SEMA4D: variants seen among roughly 807,000 people sequenced by gnomAD.
The protein encoded by SEMA4D is semaphorin-4D.
SEMA4D carries 22 observed loss-of-function variants against 74.8 expected under a neutral mutation model. That is an observed-to-expected ratio of 0.29 (90% CI 0.21 to 0.42). SEMA4D has a LOEUF of 0.42. SEMA4D is among the 10% of genes least tolerant of loss of function. SEMA4D has a pLI of 1.00. For synonymous variants in SEMA4D, 445 were observed against 463.7 expected, an observed-to-expected ratio of 0.96 and a Z score of 0.52; for missense variants, 937 against 1,118.4, an observed-to-expected ratio of 0.84 and a Z score of 2.31.
chr9:89,420,548 C>T (rs1846703154), intron 2 of SEMA4D, among the ~76,000 whole-genome samples: 2 of 152,234 alleles, frequency 1.3e-5, no homozygotes, highest in Non-Finnish European at 2.9e-5. Flanking sequence ...CCAGGCCTTG[C>T]GAACAGGTAT....
intron 2 of SEMA4D, among the ~76,000 whole-genome samples, chr9:89,454,778 C>T (rs549464411): frequency 5.9e-5 from 9 of 152,326 alleles, no homozygotes; most frequent in Admixed American, 3.9e-4. Flanking sequence ...CCCATGCCAG[C>T]CCAGGCCACC....
intron 1 of SEMA4D, among the ~76,000 whole-genome samples, chr9:89,491,548 G>A (rs561473705): frequency 4.0e-4 from 61 of 151,802 alleles, no homozygotes; most frequent in African/African-American, 1.2e-3. Flanking sequence ...CCAGCCTGGC[G>A]ACAGAGCAAG....
At chr9:89,406,011 C>A in intron 2 of SEMA4D, 1 of 951,338 alleles carries the variant, frequency 1.1e-6, no homozygotes, top group Non-Finnish European at 1.3e-6. Flanking sequence ...TGCCCAGCTT[C>A]CTTCCTGTGT....
At chr9:89,363,323 C>T (rs887132992) in intron 18 of SEMA4D, 26 of 1,495,892 alleles carry the variant, frequency 1.7e-5, no homozygotes, top group Non-Finnish European at 2.2e-5. Flanking sequence ...TAAGAGGGAA[C>T]AAGTGGGGTC....
chr9:89,475,610 A>T (rs1861552587), intron 1 of SEMA4D, among the ~76,000 whole-genome samples: 1 of 152,180 alleles, frequency 6.6e-6, no homozygotes, highest in African/African-American at 2.4e-5. Context: ...ACCCCTCTGC[A>T]TTCCCCTACT....
intron 1 of SEMA4D, among the ~76,000 whole-genome samples, chr9:89,485,538 T>G (rs921703437): frequency 6.6e-6 from 1 of 152,012 alleles, no homozygotes; most frequent in Non-Finnish European, 1.5e-5. Flanking sequence ...CCTGTAATCC[T>G]AGCACTTTGG....
intron 13 of SEMA4D, chr9:89,385,192 T>C: frequency 1.1e-6 from 1 of 928,364 alleles, no homozygotes; most frequent in Non-Finnish European, 1.3e-6. Flanking sequence ...CTTCTGCCTT[T>C]GAGGATCAGT....
At chr9:89,469,432 C>T (rs1859622363) in intron 1 of SEMA4D, among the ~76,000 whole-genome samples, 1 of 152,164 alleles carries the variant, frequency 6.6e-6, no homozygotes, top group Non-Finnish European at 1.5e-5. Flanking sequence ...TTAAATGAGG[C>T]TAGCACTACC....
chr9:89,455,364 C>T (rs1855681626), intron 2 of SEMA4D, among the ~76,000 whole-genome samples: 2 of 152,248 alleles, frequency 1.3e-5, no homozygotes, highest in Non-Finnish European at 2.9e-5. Flanking sequence ...TTTGCCAGAC[C>T]TCCCTGAACA....
chr9:89,470,708 G>A (rs887058491), intron 1 of SEMA4D, among the ~76,000 whole-genome samples: 19 of 151,774 alleles, frequency 1.3e-4, no homozygotes, highest in African/African-American at 3.9e-4. Flanking sequence ...TGGACTTACC[G>A]AGGGACAAAA....
At chr9:89,497,401 A>C (rs948408493) in intron 1 of SEMA4D, 2 of 152,288 alleles carry the variant, frequency 1.3e-5, no homozygotes, top group African/African-American at 4.8e-5. Context: ...CGCCGGGTCC[A>C]GTGCACAGGG....
intron 2 of SEMA4D, among the ~76,000 whole-genome samples, chr9:89,409,084 G>A (rs2133868292): frequency 6.6e-6 from 1 of 152,264 alleles, no homozygotes; most frequent in South Asian, 2.1e-4. Flanking sequence ...ACAGGGGAAC[G>A]TTACTCAGCA....
intron 2 of SEMA4D, among the ~76,000 whole-genome samples, chr9:89,455,330 C>T (rs2135526518): frequency 6.6e-6 from 1 of 152,340 alleles, no homozygotes; most frequent in African/African-American, 2.4e-5. Context: ...CCCGGTCCAC[C>T]TCACCCCAGC....
chr9:89,376,967 G>A (rs767142267), downstream of SEMA4D: 1 of 1,550,576 alleles, frequency 6.4e-7, no homozygotes, highest in South Asian at 1.2e-5. Context: ...GGGGGTCCAG[G>A]GAGAGGAAAG....
intron 3 of SEMA4D, 23 bp downstream of exon 3, chr9:89,405,328 C>T (rs1485240364): frequency 7.5e-6 from 12 of 1,602,824 alleles, no homozygotes; most frequent in African/African-American, 4.0e-5. Context: ...GCCATCAGCA[C>T]CCCTGCAGGT....
intron 9 of SEMA4D, among the ~76,000 whole-genome samples, chr9:89,389,366 G>A (rs558375552): frequency 6.6e-6 from 1 of 152,316 alleles, no homozygotes; most frequent in South Asian, 2.1e-4. Context: ...AGGTGCTGCC[G>A]TGCTCACACA....
At position 89,362,080 on chromosome 9, in the gene SEMA4D, C is replaced by T. The variant is rs111907314; in HGVS notation, c.*322G>A. 2.7e-3 allele frequency: 1,416 copies of T among 527,578 alleles called. 17 individuals are homozygous for T. Among genetic ancestry groups the T allele is most frequent in the African/African-American group, 0.024 (1,289 of 52,682 alleles). The allele number at this position is 527,578 out of a possible 1,614,324, so 32.7% of individuals were successfully genotyped here. On this transcript the variant is annotated 3_prime_UTR_variant, in exon 19 of 19. Coordinates refer to the SEMA4D transcript ENST00000339861. Reference sequence around the variant, plus strand: ...ACCGTAGAGGAGGAACCTGCACACACCCTGCTGTTTTAGTTCACGAGCAGC... The same window carrying T: ...ACCGTAGAGGAGGAACCTGCACACATCCTGCTGTTTTAGTTCACGAGCAGC...
At chr9:89,374,688 CCTGCTGACCCCAGGGGCTTGT>C (rs1318002748), downstream of SEMA4D, among the ~76,000 whole-genome samples, 1 of 152,190 alleles carries the variant, frequency 6.6e-6, no homozygotes, top group Non-Finnish European at 1.5e-5. Flanking sequence ...TCTTTCATTC[CCTGCTGACCCCAGGGGCTTGT>C]GTGTATGCCT....
At chr9:89,426,291 C>G (rs996350342) in intron 2 of SEMA4D, among the ~76,000 whole-genome samples, 1 of 152,236 alleles carries the variant, frequency 6.6e-6, no homozygotes, top group Admixed American at 6.5e-5. Flanking sequence ...TTTTAAGTCT[C>G]AAAACCACAA....
Sources: allele counts gnomAD v4.1 joint callset (sites outside exome capture counted in the v4.1 genomes callset), GRCh38; gene constraint gnomAD v4.1.1; transcripts MANE v1.5; gene names NCBI Gene and HGNC (gene_info 2026-07-23, HGNC 2026-07-21).